SLC24A3: variants seen among roughly 807,000 people sequenced by gnomAD.
The protein encoded by SLC24A3 is solute carrier family 24 member 3.
In SLC24A3, 28 loss-of-function variants were observed where a neutral mutation model predicts 75.8. The ratio of observed to expected loss-of-function variants is 0.37; its 90% CI spans 0.27 to 0.51. SLC24A3 has a LOEUF of 0.51. Among genes scored for constraint, SLC24A3 ranks in the 20% least tolerant of loss-of-function variants. The pLI, the probability that SLC24A3 is intolerant of heterozygous loss-of-function variation, is 0.94. For synonymous variants in SLC24A3, 372 were observed against 334.1 expected, an observed-to-expected ratio of 1.11 and a Z score of -1.24; for missense variants, 663 against 847.8, an observed-to-expected ratio of 0.78 and a Z score of 2.71.
rs535690868 is a variant in SLC24A3 at position 19,349,535 on chromosome 20, A to G, written c.271+68448A>G. Among the ~76,000 whole-genome samples, 15 of 152,226 alleles carry G rather than the reference A, an allele frequency of 9.9e-5. No individual in the cohort carries two copies. The South Asian group carries it at 3.1e-3, about 32-fold the overall frequency. ...GACCAGAAGTTCCAGGAGAATGAAGACCCCTGAGAAAAGTCCTTGACCAAG... is the reference window on the plus strand; with the variant it reads ...GACCAGAAGTTCCAGGAGAATGAAGGCCCCTGAGAAAAGTCCTTGACCAAG... On this transcript the variant is annotated intron_variant, in intron 2 of 16. Coordinates refer to ENST00000328041, the MANE Select transcript of SLC24A3 (RefSeq NM_020689.4).
intron 2 of SLC24A3, among the ~76,000 whole-genome samples, chr20:19,317,313 G>A (rs774168274): frequency 6.6e-6 from 1 of 152,202 alleles, no homozygotes; most frequent in Non-Finnish European, 1.5e-5. Context: ...AGCAAAAATT[G>A]AGTCTCCTTG....
intron 15 of SLC24A3, among the ~76,000 whole-genome samples, chr20:19,710,635 G>A (rs544762322): frequency 6.6e-6 from 1 of 152,312 alleles, no homozygotes; most frequent in South Asian, 2.1e-4. Flanking sequence ...GCAGGGAGGA[G>A]GGAGATGATC....
At chr20:19,363,720 G>T (rs150718513) in intron 2 of SLC24A3, among the ~76,000 whole-genome samples, 1 of 152,268 alleles carries the variant, frequency 6.6e-6, no homozygotes, top group East Asian at 1.9e-4. Context: ...ACAACAGACT[G>T]TTTGGAGCCT....
chr20:19,693,195 A>C, intron 12 of SLC24A3, 64 bp from the exon 13 acceptor site: 1 of 1,525,970 alleles, frequency 6.6e-7, no homozygotes, highest in Non-Finnish European at 8.8e-7. Context: ...GCAAAGAAAT[A>C]AAGCTAACTG....
chr20:19,622,697 C>T (rs1600307174), intron 6 of SLC24A3, among the ~76,000 whole-genome samples: 1 of 152,152 alleles, frequency 6.6e-6, no homozygotes, highest in South Asian at 2.1e-4. Context: ...CAGATGAGTT[C>T]AGTTGTGTAT....
At chr20:19,408,946 A>C (rs375350223) in intron 2 of SLC24A3, among the ~76,000 whole-genome samples, 12 of 152,320 alleles carry the variant, frequency 7.9e-5, no homozygotes, top group South Asian at 4.1e-4. Flanking sequence ...CTCCTGCTGT[A>C]TGCTTTCACT....
intron 6 of SLC24A3, among the ~76,000 whole-genome samples, chr20:19,600,250 C>T (rs1014565703): frequency 1.3e-5 from 2 of 152,106 alleles, no homozygotes; most frequent in African/African-American, 4.8e-5. Context: ...TAGGAGGCGC[C>T]ATTTCTCGCT....
chr20:19,522,516 A>G (rs1467261249), intron 3 of SLC24A3, among the ~76,000 whole-genome samples: 1 of 152,186 alleles, frequency 6.6e-6, no homozygotes, highest in African/African-American at 2.4e-5. Flanking sequence ...CTCAATATCC[A>G]CATCAATAAA....
chr20:19,218,363 G>A (rs1981620839), intron 1 of SLC24A3, among the ~76,000 whole-genome samples: 1 of 152,176 alleles, frequency 6.6e-6, no homozygotes. Context: ...GGAGTGCAGT[G>A]CCTAGTGTCT....
At chr20:19,544,322 C>A (rs539901900) in intron 3 of SLC24A3, among the ~76,000 whole-genome samples, 1 of 152,242 alleles carries the variant, frequency 6.6e-6, no homozygotes, top group African/African-American at 2.4e-5. Context: ...CTGTAGAAGC[C>A]CTTGAAAAGT....
At chr20:19,380,180 G>C (rs1434141345) in intron 2 of SLC24A3, among the ~76,000 whole-genome samples, 1 of 152,212 alleles carries the variant, frequency 6.6e-6, no homozygotes, top group Non-Finnish European at 1.5e-5. Flanking sequence ...AGGTTTTGCA[G>C]AGAAGAAAGT....
intron 3 of SLC24A3, among the ~76,000 whole-genome samples, chr20:19,560,232 C>T (rs756123313): frequency 1.3e-5 from 2 of 152,110 alleles, no homozygotes; most frequent in South Asian, 2.1e-4. Flanking sequence ...AACTGGGGCT[C>T]GATCCTGCGG....
At chr20:19,519,363 C>T (rs928209095) in intron 3 of SLC24A3, among the ~76,000 whole-genome samples, 5 of 152,140 alleles carry the variant, frequency 3.3e-5, no homozygotes, top group African/African-American at 1.2e-4. Context: ...TTTGTGTGTG[C>T]TTTGTGTGTG....
chr20:19,462,570 C>T (rs1482052158), intron 2 of SLC24A3, among the ~76,000 whole-genome samples: 2 of 152,218 alleles, frequency 1.3e-5, no homozygotes, highest in African/African-American at 4.8e-5. Flanking sequence ...AGACCTGAGT[C>T]CCCGCTGGGA....
intron 9 of SLC24A3, among the ~76,000 whole-genome samples, chr20:19,679,824 AAT>A (rs1243202303): frequency 6.6e-6 from 1 of 152,186 alleles, no homozygotes; most frequent in Non-Finnish European, 1.5e-5. Context: ...CACTCATTAG[AAT>A]TGGTGGCCCA....
chr20:19,582,224 G>GA (rs2031227596), intron 4 of SLC24A3, among the ~76,000 whole-genome samples: 1 of 152,228 alleles, frequency 6.6e-6, no homozygotes, highest in Admixed American at 6.5e-5. Flanking sequence ...CAGTGGCCTG[G>GA]AGGGCCTCTC....
rs1176209950 is a variant in SLC24A3, at chr20:19,714,405, TAA to T, written c.1720-3103_1720-3102del. On this transcript the variant is annotated intron_variant, in intron 15 of 16. Transcript: ENST00000328041. ...GGACAACACAATGAGACCCAGTCTC[TAA>T]AAAAAAAAAAAAAAAAAAACAACAA... 1.0e-2 allele frequency among the ~76,000 whole-genome samples: 506 copies of T among 50,762 alleles called. 2 individuals carry two copies. Among genetic ancestry groups the T allele is most frequent in the African/African-American group, 0.035 (468 of 13,230 alleles). 33.3% of individuals were successfully genotyped at this position (50,762 alleles called of 152,430 possible).
At chr20:19,707,555 A>G (rs1568706259) in intron 15 of SLC24A3, among the ~76,000 whole-genome samples, 1 of 152,236 alleles carries the variant, frequency 6.6e-6, no homozygotes. Context: ...ATTACACTGG[A>G]TGCTCTTTCT....
intron 2 of SLC24A3, among the ~76,000 whole-genome samples, chr20:19,324,933 A>T (rs368160669): frequency 6.6e-6 from 1 of 151,982 alleles, no homozygotes; most frequent in Non-Finnish European, 1.5e-5. Context: ...TCACTTTTCA[A>T]TCGTTACCCT....
Sources: gnomAD v4.1 joint callset for allele counts (sites outside exome capture counted in the v4.1 genomes callset) on GRCh38, gnomAD v4.1.1 for gene constraint, MANE v1.5 for transcripts, NCBI Gene and HGNC (gene_info 2026-07-23, HGNC 2026-07-21) for gene names.